The following ZNF839 variants were observed in gnomAD, a reference collection of about 807,000 sequenced individuals.
The protein encoded by ZNF839 is zinc finger protein 839.
ZNF839 carries 38 observed loss-of-function variants against 56.4 expected under a neutral mutation model. That is an observed-to-expected ratio of 0.67 (90% CI 0.52 to 0.88). The LOEUF is 0.88. Ranked by LOEUF, ZNF839 falls within the 40% of genes least tolerant of loss-of-function variation. The probability of loss-of-function intolerance (pLI) is 0.00; values close to 1 mark genes in which losing one functional copy is unlikely to be tolerated. For missense variants in ZNF839, 1,091 were observed against 1,177.6 expected, an observed-to-expected ratio of 0.93 and a Z score of 1.08; for synonymous variants, 486 against 493.5, an observed-to-expected ratio of 0.98 and a Z score of 0.20.
chr14:102,335,930 G>C, intron 5 of ZNF839, 92 bp downstream of exon 5: 1 of 1,429,788 alleles, frequency 7.0e-7, no homozygotes, highest in Non-Finnish European at 9.5e-7. Flanking sequence ...TGTAGTCCCA[G>C]TGCTTTGGGA....
In ZNF839 at chr14:102,332,827, T is replaced by C. The variant is rs2073848432; in HGVS notation, c.1416+981T>C. Reference sequence around the variant, plus strand: ...TGGGAGACTGAGGGAGGAGAATCGCTTGAACCCAGGAGGCGGAGGTTGCAG... The same window carrying C: ...TGGGAGACTGAGGGAGGAGAATCGCCTGAACCCAGGAGGCGGAGGTTGCAG... On this transcript the variant is annotated intron_variant, in intron 3 of 7. Transcript: ENST00000442396. The surrounding 1 kb of genome is among the most constrained non-coding windows in gnomAD (Gnocchi z 4.9). 6.6e-6 allele frequency among the ~76,000 whole-genome samples: 1 copy of C among 152,140 alleles called. No homozygotes were observed. Among genetic ancestry groups the C allele is most frequent in the Non-Finnish European group, 1.5e-5 (1 of 68,006 alleles).
intron 1 of ZNF839, among the ~76,000 whole-genome samples, chr14:102,322,309 G>A (rs1039404035): frequency 3.3e-5 from 5 of 152,316 alleles, no homozygotes; most frequent in Admixed American, 1.3e-4. Flanking sequence ...CAGGAGATCC[G>A]ATTCAGCAGG....
At chr14:102,328,371 AAAAAATATATATATATATATAT>A (rs1406039916) in intron 2 of ZNF839, among the ~76,000 whole-genome samples, 26 of 30,682 alleles carry the variant, frequency 8.5e-4, no homozygotes, top group African/African-American at 2.1e-3. Flanking sequence ...AAAAAAAAAA[AAAAAATATATATATATATATAT>A]ATATATATAT....
chr14:102,317,929 A>C (rs929868668), upstream of ZNF839, among the ~76,000 whole-genome samples: 15 of 152,180 alleles, frequency 9.9e-5, no homozygotes, highest in African/African-American at 3.6e-4. Flanking sequence ...AGCCGGTTGT[A>C]TAAGGTTGAT....
In ZNF839 at chr14:102,341,465, T is replaced by C. The variant is rs773021487; in HGVS notation, c.2070T>C (p.Ser690=). ...ALANLEARRG[S]IGAALSSRDV... ...CTAACTTAGAAGCCAGGAGGGGGTC[T>C]ATAGGTGCTGCTCTCTCATCCCGGG... Residue 690 remains serine, a synonymous_variant, in exon 8 of 8, where the codon TCT becomes TCC. Coordinates refer to ENST00000442396, the MANE Select transcript of ZNF839 (RefSeq NM_018335.6). 4.8e-5 allele frequency: 77 copies of C among 1,599,008 alleles called. No homozygotes were observed. The highest frequency in any genetic ancestry group is 5.6e-5 in the Non-Finnish European group (66 of 1,171,412).
Position 102,324,228 on chromosome 14 carries a change from A to C in ZNF839, c.289-1757A>C, listed in dbSNP as rs2069279950. On this transcript the variant is annotated intron_variant, in intron 1 of 7. Transcript: ENST00000442396. ...CATTATGAATTACGTCTGCTTTTAG[A>C]GTACTAAAAACTCCAAGCAAAAACA... Among the ~76,000 whole-genome samples the C allele has an allele frequency of 6.6e-5, 10 of 152,092 alleles. No individual in the cohort carries two copies. In the South Asian group the frequency reaches 2.1e-3, roughly 32 times the overall value.
rs767751406 is a variant in ZNF839, at chr14:102,342,022, A to T, written c.2627A>T (p.Asn876Ile). 1 of 1,613,960 alleles carries T rather than the reference A, an allele frequency of 6.2e-7. No homozygotes were observed. Among genetic ancestry groups the T allele is most frequent in the South Asian group, 1.1e-5 (1 of 91,080 alleles). The change falls in exon 8 of 8, where the codon AAT becomes ATT. Residue 876 changes from asparagine to isoleucine, a missense_variant. This residue lies in a region of ZNF839 where 431 missense variants were observed against 468.0 expected (regional missense o/e 0.92). Coordinates refer to ENST00000442396, the MANE Select transcript of ZNF839 (RefSeq NM_018335.6). Reference sequence around the variant, plus strand: ...GAAGCCATGGCTTTTGAAATTTCCAATGGGAGCCATGAGTTACTGTCTCAG... The same window carrying T: ...GAAGCCATGGCTTTTGAAATTTCCATTGGGAGCCATGAGTTACTGTCTCAG... ...VGEAMAFEIS[N>I]GSHELLSQGQ...
chr14:102,338,681 A>G, intron 5 of ZNF839, 135 bp from the exon 6 acceptor site: 1 of 1,166,824 alleles, frequency 8.6e-7, no homozygotes, highest in Admixed American at 2.6e-5. Flanking sequence ...CTCATTGTTG[A>G]GATGGCATCT....
chr14:102,341,068 CAAAAAA>C (rs60659700), intron 7 of ZNF839: 12 of 82,942 alleles, frequency 1.4e-4, no homozygotes, highest in Middle Eastern at 4.8e-3. Flanking sequence ...GACTCCATCT[CAAAAAA>C]AAAAAAAAAA....
At position 102,340,556 on chromosome 14, in the gene ZNF839, G is replaced by T. The variant is rs183948323; in HGVS notation, c.1928-767G>T. 2.8e-3 allele frequency among the ~76,000 whole-genome samples: 430 copies of T among 152,264 alleles called. 13 individuals carry two copies. The highest frequency in any genetic ancestry group is 0.025 in the Admixed American group (379 of 15,280). On this transcript the variant is annotated intron_variant, in intron 7 of 7. Coordinates refer to ENST00000442396, the MANE Select transcript of ZNF839 (RefSeq NM_018335.6). ...CATAGTGCTAGGATTACAGGCGTGA[G>T]CAGCCACCGTGCCCAGCCTGATGGT...
At chr14:102,333,635 T>A (rs747889095) in intron 3 of ZNF839, among the ~76,000 whole-genome samples, 2 of 152,076 alleles carry the variant, frequency 1.3e-5, no homozygotes, top group Non-Finnish European at 2.9e-5. Flanking sequence ...TCAGCTTCCC[T>A]CTCACTTTAT....
At position 102,332,147 on chromosome 14, in the gene ZNF839, T is replaced by A. The variant is rs372363882; in HGVS notation, c.1416+301T>A. ...AAGTGGTTTTCAAAACCATTCTTTT[T>A]TTTTAGACGGAGTCTCACACTGTCA... On this transcript the variant is annotated intron_variant, in intron 3 of 7. Transcript: ENST00000442396. The surrounding 1 kb of genome is among the most constrained non-coding windows in gnomAD (Gnocchi z 4.9). Among the ~76,000 whole-genome samples the A allele has an allele frequency of 1.3e-4, 20 of 152,294 alleles. No individual in the cohort carries two copies. In the East Asian group the frequency reaches 3.7e-3, roughly 28 times the overall value.
intron 3 of ZNF839, among the ~76,000 whole-genome samples, chr14:102,333,703 A>G (rs1567292927): frequency 6.6e-6 from 1 of 150,404 alleles, no homozygotes; most frequent in Non-Finnish European, 1.5e-5. Context: ...CCCTCTACAG[A>G]CTCCCACGCT....
intron 5 of ZNF839, chr14:102,337,459 A>T (rs926451573): frequency 2.0e-5 from 3 of 152,118 alleles, no homozygotes; most frequent in Non-Finnish European, 4.4e-5. Context: ...ATAAGCCACC[A>T]TGCCCTGCCT....
chr14:102,335,660 CT>C (rs371148753), intron 4 of ZNF839, 28 bp from the exon 5 acceptor site: 291 of 1,538,876 alleles, frequency 1.9e-4, no homozygotes, highest in Admixed American at 9.6e-4. Context: ...TGAGTTTAAA[CT>C]TTTTTTTTGG....
At position 102,337,063 on chromosome 14, in the gene ZNF839, G is replaced by A. The variant is rs1341940930; in HGVS notation, c.1659+1225G>A. The A allele has an allele frequency of 2.0e-5, 3 of 152,194 alleles. No homozygotes were observed. The Admixed American group carries it at 2.0e-4, about 10-fold the overall frequency. The allele number at this position is 152,194 out of a possible 1,614,324, so 9.4% of individuals were successfully genotyped here. ...TTTCTTCCTTATGTGGGTTTTTGGG[G>A]ATGGATTATATAGGGGCCATTCATT... is the stretch of plus-strand genomic sequence containing the variant. On this transcript the variant is annotated intron_variant, in intron 5 of 7. Coordinates refer to ENST00000442396, the MANE Select transcript of ZNF839 (RefSeq NM_018335.6).
At chr14:102,338,464 G>C (rs995817912) in intron 5 of ZNF839, among the ~76,000 whole-genome samples, 1 of 150,596 alleles carries the variant, frequency 6.6e-6, no homozygotes, top group Non-Finnish European at 1.5e-5. Flanking sequence ...CTTGAATCTG[G>C]GAAGCGGAGG....
intron 1 of ZNF839, among the ~76,000 whole-genome samples, chr14:102,323,298 C>T (rs2073231574): frequency 6.6e-6 from 1 of 152,232 alleles, no homozygotes; most frequent in South Asian, 2.1e-4. Context: ...CCACCCATGT[C>T]AAAGGATTAT....
intron 3 of ZNF839, among the ~76,000 whole-genome samples, chr14:102,333,243 C>T (rs2073867378): frequency 6.6e-6 from 1 of 150,412 alleles, no homozygotes; most frequent in South Asian, 2.1e-4. Context: ...ATCTCTTGCT[C>T]TCTCTCTAAA....
Sources: allele counts gnomAD v4.1 joint callset (sites outside exome capture counted in the v4.1 genomes callset), GRCh38; gene constraint gnomAD v4.1.1; regional missense constraint gnomAD v4.1.1; non-coding constraint Gnocchi (gnomAD v3.1); transcripts MANE v1.5; gene names NCBI Gene and HGNC (gene_info 2026-07-23, HGNC 2026-07-21).